Variants in ARHGEF19 observed in about 807,000 individuals in gnomAD.
The protein encoded by ARHGEF19 is Rho guanine nucleotide exchange factor 19, also known as Rho guanine nucleotide exchange factor (GEF) 19.
ARHGEF19 carries 92 observed loss-of-function variants against 87.6 expected under a neutral mutation model. The ratio of observed to expected loss-of-function variants is 1.05; its 90% confidence interval spans 0.89 to 1.25. The LOEUF is 1.25. ARHGEF19 is among the 50% of genes most tolerant of loss of function. The pLI is 0.00. For synonymous variants in ARHGEF19, 438 were observed against 446.2 expected (o/e 0.98, Z 0.23); for missense variants, 1,054 against 1,051.8 (o/e 1.00, Z -0.03).
Position 16,205,586 on chromosome 1 carries a change from G to A in ARHGEF19, c.1533C>T (p.Phe511=). The part of the protein sequence containing the change: ...PVCQRLPLTS[F]LILPFQRITR... The stretch of plus-strand genomic sequence containing the variant: ...TGATCCTCTGGAAGGGCAGGATAAG[G>A]AAGGAGGTAAGGGGCAGACGCTGGC... Residue 511 remains phenylalanine (F), a synonymous_variant, in exon 9 of 16, where the codon TTC becomes TTT. Coordinates refer to ENST00000270747, the MANE Select transcript of ARHGEF19 (RefSeq NM_153213.5). This position sits in a 1 kb window ranked among gnomAD's most constrained non-coding sequence, Gnocchi z 5.8. 6.2e-7 allele frequency: 1 copy of A among 1,614,072 alleles called. No individual in the cohort carries two copies.
Position 16,209,041 on chromosome 1 carries a change from G to A in ARHGEF19, c.14C>T (p.Pro5Leu). 1 of 1,490,324 alleles carries A rather than the reference G, an allele frequency of 6.7e-7. No homozygotes were observed. The highest frequency in any genetic ancestry group is 8.9e-7 in the Non-Finnish European group (1 of 1,121,726). The allele number at this position is 1,490,324 out of a possible 1,614,324, so 92.3% of individuals were successfully genotyped here. A position where few individuals can be genotyped will look rare whatever the true frequency, so the allele number is the denominator to read the frequency against. MDCG[P>L]PATLQPHLTG... Reference sequence around the variant, plus strand: ...CAGGTGGGGCTGGAGGGTAGCAGGTGGCCCACAGTCCATTCCTCTTTTGCT... The same window carrying A: ...CAGGTGGGGCTGGAGGGTAGCAGGTAGCCCACAGTCCATTCCTCTTTTGCT... The change falls in exon 2 of 16, where the codon CCA (proline) becomes CTA (leucine). Residue 5 changes from proline to leucine, a missense_variant. By Grantham distance (98) the Pro-to-Leu change is moderately conservative. Transcript: ENST00000270747.
At position 16,207,992 on chromosome 1, in the gene ARHGEF19, C is replaced by T. The variant is rs1430032157; in HGVS notation, c.646G>A (p.Ala216Thr). The T allele has an allele frequency of 6.2e-7, 1 of 1,612,658 alleles. No individual in the cohort carries two copies. The highest frequency in any genetic ancestry group is 8.5e-7 in the Non-Finnish European group (1 of 1,179,918). The change falls in exon 3 of 16, where the codon GCA (alanine) becomes ACA (threonine). Residue 216 changes from alanine to threonine, a missense_variant. Coordinates refer to ENST00000270747, the MANE Select transcript of ARHGEF19 (RefSeq NM_153213.5). The surrounding 1 kb of genome is among the most constrained non-coding windows in gnomAD (Gnocchi z 4.0). ...GACCCAGAGATGAGTGCCCGGGCTGCTGAATTCCGCCCCAGGCGCAGAGAA... is the reference window on the plus strand; with the variant it reads ...GACCCAGAGATGAGTGCCCGGGCTGTTGAATTCCGCCCCAGGCGCAGAGAA... The part of the protein sequence containing the change: ...HSSLRLGRNS[A>T]ARALISGSGT...
Position 16,199,698 on chromosome 1 carries a change from C to CT in ARHGEF19, c.2147-445_2147-444insA, listed in dbSNP as rs33945403. Among the ~76,000 whole-genome samples the CT allele has an allele frequency of 1.3e-5, 2 of 152,070 alleles. 1 individual carries two copies. The highest frequency in any genetic ancestry group is 1.3e-4 in the Admixed American group (2 of 15,286). ...ACTGGGATTCAAGCTGCATCGCTCC[C>CT]GTTTAAAGCCCTCCAGGGCTTCCCA... On this transcript the variant is annotated intron_variant, in intron 14 of 15. Coordinates refer to ENST00000270747, the MANE Select transcript of ARHGEF19 (RefSeq NM_153213.5).
In ARHGEF19 at chr1:16,207,490, T is replaced by TACTA; in HGVS notation, c.874+31_874+32insTAGT. 1 of 1,611,556 alleles carries TACTA rather than the reference T, an allele frequency of 6.2e-7. No individual in the cohort carries two copies. The highest frequency in any genetic ancestry group is 1.7e-5 in the Admixed American group (1 of 59,946). Reference sequence around the variant, plus strand: ...TCCACACCGCAGCCCCTTCCTCCGTTACCTCCTCCCAGGGACCCCCCTCCC... The same window carrying TACTA: ...TCCACACCGCAGCCCCTTCCTCCGTTACTAACCTCCTCCCAGGGACCCCCCTCCC... On this transcript the variant is annotated intron_variant, in intron 5 of 15. Transcript: ENST00000270747. This position sits in a 1 kb window ranked among gnomAD's most constrained non-coding sequence, Gnocchi z 4.0.
intron 12 of ARHGEF19, among the ~76,000 whole-genome samples, chr1:16,204,270 C>A (rs2081105288): frequency 6.9e-6 from 1 of 144,258 alleles, no homozygotes; most frequent in South Asian, 2.4e-4. Flanking sequence ...GTGAGTCAGG[C>A]ATGGTGCTGC....
At position 16,207,927 on chromosome 1, in the gene ARHGEF19, A is replaced by G. The variant is rs1005818392; in HGVS notation, c.694+17T>C. The G allele has an allele frequency of 8.5e-6, 10 of 1,181,814 alleles. No homozygotes were observed. Among genetic ancestry groups the G allele is most frequent in the Non-Finnish European group, 1.1e-5 (10 of 884,854 alleles). The allele number at this position is 1,181,814 out of a possible 1,614,324, so 73.2% of individuals were successfully genotyped here. A position where few individuals can be genotyped will look rare whatever the true frequency, so the allele number is the denominator to read the frequency against. On this transcript the variant is annotated intron_variant, in intron 3 of 15. Coordinates refer to ENST00000270747, the MANE Select transcript of ARHGEF19 (RefSeq NM_153213.5). The surrounding 1 kb of genome is among the most constrained non-coding windows in gnomAD (Gnocchi z 4.0). The stretch of plus-strand genomic sequence containing the variant: ...CGGCATCTGGCTGCCCTCAGGGCCC[A>G]TGGGAGGAGCTGGTACCTTCCCGGG...
In ARHGEF19 at chr1:16,207,887, A is replaced by AC; in HGVS notation, c.694+56dup. 41 of 833,318 alleles carry AC rather than the reference A, an allele frequency of 4.9e-5. No individual in the cohort carries two copies. Among genetic ancestry groups the AC allele is most frequent in the South Asian group, 1.2e-4 (9 of 72,258 alleles). 51.6% of individuals were successfully genotyped at this position (833,318 alleles called of 1,614,324 possible). The stretch of plus-strand genomic sequence containing the variant: ...GGCGGCCGGTGAGTGGGCATCGCCC[A>AC]CCCCCACCCCCACCCGGCATCTGGC... On this transcript the variant is annotated intron_variant, in intron 3 of 15. Coordinates refer to ENST00000270747, the MANE Select transcript of ARHGEF19 (RefSeq NM_153213.5). This position sits in a 1 kb window ranked among gnomAD's most constrained non-coding sequence, Gnocchi z 4.0.
rs2081149114 is a variant in ARHGEF19 at position 16,207,283 on chromosome 1, A to C, written c.875-73T>G. 6.9e-7 allele frequency: 1 copy of C among 1,452,216 alleles called. No homozygotes were observed. Among genetic ancestry groups the C allele is most frequent in the Non-Finnish European group, 9.0e-7 (1 of 1,107,440 alleles). 90.0% of individuals were successfully genotyped at this position (1,452,216 alleles called of 1,614,324 possible). The stretch of plus-strand genomic sequence containing the variant: ...TGCCCGGCTTTTCCTCGGTTCCCTC[A>C]AGAGCCCGCGTCACTTAACCTTTGC... On this transcript the variant is annotated intron_variant, in intron 5 of 15. Coordinates refer to ENST00000270747, the MANE Select transcript of ARHGEF19 (RefSeq NM_153213.5). This position sits in a 1 kb window ranked among gnomAD's most constrained non-coding sequence, Gnocchi z 4.0.
At chr1:16,203,791 A>G (rs1248685251) in intron 12 of ARHGEF19, among the ~76,000 whole-genome samples, 1 of 152,198 alleles carries the variant, frequency 6.6e-6, no homozygotes, top group Admixed American at 6.5e-5. Context: ...CCTGTCCTCT[A>G]TGAAGCTTTA....
rs914224545 is a variant in ARHGEF19, at chr1:16,206,728, C to T, written c.1137+220G>A. Among the ~76,000 whole-genome samples, 1 of 152,000 alleles carries T rather than the reference C, an allele frequency of 6.6e-6. No homozygotes were observed. Among genetic ancestry groups the T allele is most frequent in the African/African-American group, 2.4e-5 (1 of 41,386 alleles). ...CCGCTGGCTCCGCCCCCTACCCGCACCCAAGCCCGGCTCCCCTCGCCTCTC... is the reference window on the plus strand; with the variant it reads ...CCGCTGGCTCCGCCCCCTACCCGCATCCAAGCCCGGCTCCCCTCGCCTCTC... On this transcript the variant is annotated intron_variant, in intron 6 of 15. Coordinates refer to ENST00000270747, the MANE Select transcript of ARHGEF19 (RefSeq NM_153213.5). This position sits in a 1 kb window ranked among gnomAD's most constrained non-coding sequence, Gnocchi z 4.6.
Position 16,205,476 on chromosome 1 carries a change from G to A in ARHGEF19, c.1582-51C>T, listed in dbSNP as rs374993630. On this transcript the variant is annotated intron_variant, in intron 9 of 15. Transcript: ENST00000270747. This position sits in a 1 kb window ranked among gnomAD's most constrained non-coding sequence, Gnocchi z 5.8. ...GGCAGTCCTCATACTCCCGAGACCC[G>A]GCCCGCCCACAGGTGTATCTCCCTC... 1.3e-5 allele frequency: 21 copies of A among 1,612,370 alleles called. No individual in the cohort carries two copies. The highest frequency in any genetic ancestry group is 6.7e-5 in the East Asian group (3 of 44,874).
rs1172057141 is a variant in ARHGEF19 at position 16,207,583 on chromosome 1, T to A, written c.813A>T (p.Glu271Asp). The A allele has an allele frequency of 8.7e-6, 14 of 1,613,906 alleles. No individual in the cohort carries two copies. In the Admixed American group the frequency reaches 2.3e-4, roughly 27 times the overall value. The stretch of plus-strand genomic sequence containing the variant: ...TGCTCCTGGACCCCAAAGGCGGCTC[T>A]TCCTGTGTGTCTAGCCTAGGAAAGA... ...DWSEPRLDTQ[E>D]EPPLGSRSTN... is the part of the protein sequence containing the mutation. The change falls in exon 5 of 16, where the codon GAA becomes GAT. Residue 271 changes from glutamate to aspartate, a missense_variant. Transcript: ENST00000270747. This position sits in a 1 kb window ranked among gnomAD's most constrained non-coding sequence, Gnocchi z 4.0.
In ARHGEF19 at chr1:16,207,299, T is replaced by C. The variant is rs146144842; in HGVS notation, c.875-89A>G. On this transcript the variant is annotated intron_variant, in intron 5 of 15. Transcript: ENST00000270747. The surrounding 1 kb of genome is among the most constrained non-coding windows in gnomAD (Gnocchi z 4.0). ...GGTTCCCTCAAGAGCCCGCGTCACT[T>C]AACCTTTGCCGCGGTTCGGATATCT... 2.5e-4 allele frequency: 366 copies of C among 1,438,548 alleles called. 4 individuals carry two copies. The African/African-American group carries it at 3.7e-3, about 15-fold the overall frequency. 89.1% of individuals were successfully genotyped at this position (1,438,548 alleles called of 1,614,324 possible). A position where few individuals can be genotyped will look rare whatever the true frequency, so the allele number is the denominator to read the frequency against.
At chr1:16,199,658 G>C (rs74054951) in intron 14 of ARHGEF19, among the ~76,000 whole-genome samples, 3,489 of 151,882 alleles carry the variant, frequency 0.023, 125 homozygotes, top group African/African-American at 0.078. Context: ...TGCTCCCTTT[G>C]GCCCATCCTT....
rs1262035895 is a variant in ARHGEF19 at position 16,207,732 on chromosome 1, T to TC, written c.739dup (p.Asp247GlyfsTer10). 6.2e-7 allele frequency: 1 copy of TC among 1,613,746 alleles called. No individual in the cohort carries two copies. Among genetic ancestry groups the TC allele is most frequent in the Non-Finnish European group, 8.5e-7 (1 of 1,179,996 alleles). ...ACCAGGGGCTGGCCGCGACACCCGG[T>TC]CCCCGCTCATCTCTACACTTCGAGC... On this transcript the variant is annotated frameshift_variant, in exon 4 of 16. Coordinates refer to ENST00000270747, the MANE Select transcript of ARHGEF19 (RefSeq NM_153213.5). LOFTEE classifies it high-confidence loss of function. The surrounding 1 kb of genome is among the most constrained non-coding windows in gnomAD (Gnocchi z 4.0).
intron 2 of ARHGEF19, 120 bp downstream of exon 2, chr1:16,208,523 A>C (rs1407640111): frequency 7.6e-7 from 1 of 1,320,852 alleles, no homozygotes; most frequent in Non-Finnish European, 1.0e-6. Context: ...CCTTATCACT[A>C]ATCTACCACT....
rs762420524 is a variant in ARHGEF19, at chr1:16,208,675, C to T, written c.380G>A (p.Arg127Gln). 2.4e-5 allele frequency: 39 copies of T among 1,606,872 alleles called. No individual in the cohort carries two copies. Among genetic ancestry groups the T allele is most frequent in the Admixed American group, 1.2e-4 (7 of 57,992 alleles). Reference protein sequence around the residue: ...WSPRHTQPQRRASHGSEKKSA... With the variant: ...WSPRHTQPQRQASHGSEKKSA... ...CTTCTTCTCCGAGCCGTGGCTGGCC[C>T]GGCGCTGTGGCTGTGTGTGTCGGGG... Residue 127 changes from arginine (R) to glutamine (Q), a missense_variant, in exon 2 of 16, where the codon CGG (arginine) becomes CAG (glutamine). Coordinates refer to ENST00000270747, the MANE Select transcript of ARHGEF19 (RefSeq NM_153213.5).
In ARHGEF19 at chr1:16,207,510, C is replaced by A; in HGVS notation, c.874+12G>T. ...TCCGTTACCTCCTCCCAGGGACCCCCCTCCCACGTACAGTTAAGGAGGAAT... is the reference window on the plus strand; with the variant it reads ...TCCGTTACCTCCTCCCAGGGACCCCACTCCCACGTACAGTTAAGGAGGAAT... On this transcript the variant is annotated intron_variant, in intron 5 of 15. Coordinates refer to ENST00000270747, the MANE Select transcript of ARHGEF19 (RefSeq NM_153213.5). The surrounding 1 kb of genome is among the most constrained non-coding windows in gnomAD (Gnocchi z 4.0). The A allele has an allele frequency of 6.2e-7, 1 of 1,613,634 alleles. No individual in the cohort carries two copies. The highest frequency in any genetic ancestry group is 8.5e-7 in the Non-Finnish European group (1 of 1,179,718).
intron 13 of ARHGEF19, 38 bp downstream of exon 13, chr1:16,202,378 G>C (rs765946203): frequency 1.6e-5 from 25 of 1,563,300 alleles, no homozygotes; most frequent in East Asian, 2.3e-5. Flanking sequence ...GTCATGGGGA[G>C]GGGGAGCCTC....
Sources: allele counts gnomAD v4.1 joint callset (sites outside exome capture counted in the v4.1 genomes callset), GRCh38; gene constraint gnomAD v4.1.1; non-coding constraint Gnocchi (gnomAD v3.1); transcripts MANE v1.5; gene names NCBI Gene and HGNC (gene_info 2026-07-23, HGNC 2026-07-21).